The following CACNB2 variants were observed in gnomAD, a reference collection of about 807,000 sequenced individuals.
The protein encoded by CACNB2 is voltage-dependent L-type calcium channel subunit beta-2.
In CACNB2, 42 loss-of-function variants were observed where a neutral mutation model predicts 73.3. The observed-to-expected ratio is 0.57, with a 90% CI of 0.45 to 0.74. The LOEUF (loss-of-function observed/expected upper bound fraction) is 0.74. Among genes scored for constraint, CACNB2 ranks in the 30% least tolerant of loss-of-function variants. The probability of loss-of-function intolerance (pLI) is 0.00; values close to 1 mark genes in which losing one functional copy is unlikely to be tolerated. For missense variants in CACNB2, 940 were observed against 853.0 expected (o/e 1.10, Z -1.27); for synonymous variants, 348 against 310.3 (o/e 1.12, Z -1.28).
chr10:18,152,001 G>C (rs551706967), intron 2 of CACNB2, among the ~76,000 whole-genome samples: 1 of 152,216 alleles, frequency 6.6e-6, no homozygotes, highest in East Asian at 1.9e-4. Flanking sequence ...GACCTTTTGG[G>C]TTTTATTTTT....
At chr10:18,241,908 T>G (rs1474866295) in intron 2 of CACNB2, among the ~76,000 whole-genome samples, 2 of 152,104 alleles carry the variant, frequency 1.3e-5, no homozygotes, top group East Asian at 3.9e-4. Context: ...TGTAAGTGGA[T>G]TGATCATCTT....
At chr10:18,304,044 C>A (rs983676336) in intron 2 of CACNB2, among the ~76,000 whole-genome samples, 7 of 152,338 alleles carry the variant, frequency 4.6e-5, no homozygotes, top group African/African-American at 1.7e-4. Flanking sequence ...CAGCCTCAAA[C>A]TTCCAGGCTC....
chr10:18,470,747 G>C (rs1173448461), intron 3 of CACNB2, among the ~76,000 whole-genome samples: 1 of 152,086 alleles, frequency 6.6e-6, no homozygotes. Context: ...TCTGGCACCT[G>C]GTAGGCATTG....
At position 18,536,186 on chromosome 10, in the gene CACNB2, A is replaced by G; in HGVS notation, c.1292A>G (p.Gln431Arg). The change falls in exon 12 of 14, where the codon CAG (glutamine) becomes CGG (arginine). Residue 431 changes from glutamine to arginine, a missense_variant. Physicochemically the swap from Gln to Arg is conservative, Grantham distance 43. Coordinates refer to ENST00000324631, the MANE Select transcript of CACNB2 (RefSeq NM_201596.3). ...ATGGTAGCAGCTGATAAACTGGCTC[A>G]GTGTCCTCCAGTAAGTTATCTCTAT... ...VQMVAADKLA[Q>R]CPPELFDVIL... 1 of 1,549,210 alleles carries G rather than the reference A, an allele frequency of 6.5e-7. No individual in the cohort carries two copies. Among genetic ancestry groups the G allele is most frequent in the Non-Finnish European group, 8.8e-7 (1 of 1,132,944 alleles).
At chr10:18,240,006 A>C (rs909351235) in intron 2 of CACNB2, among the ~76,000 whole-genome samples, 3 of 152,170 alleles carry the variant, frequency 2.0e-5, no homozygotes, top group African/African-American at 7.2e-5. Context: ...TATCAGCTGT[A>C]ACAATCTCAC....
At chr10:18,151,023 T>C in intron 2 of CACNB2, 48 bp downstream of exon 2, 1 of 1,190,022 alleles carries the variant, frequency 8.4e-7, no homozygotes, top group Non-Finnish European at 1.3e-6. Context: ...AAAATGACTT[T>C]AGATTTTTAA....
At chr10:18,485,088 G>A (rs1482048422) in intron 3 of CACNB2, among the ~76,000 whole-genome samples, 1 of 151,826 alleles carries the variant, frequency 6.6e-6, no homozygotes, top group Admixed American at 6.6e-5. Flanking sequence ...GTTGCAGTGG[G>A]GCGAGATCAC....
chr10:18,214,149 T>TATGGCATGGCAACAGCTGG (rs1588716453), intron 2 of CACNB2, among the ~76,000 whole-genome samples: 2 of 27,818 alleles, frequency 7.2e-5, no homozygotes, highest in African/African-American at 1.2e-4. Flanking sequence ...GAAGTATAAG[T>TATGGCATGGCAACAGCTGG]TCTTCTGAAA....
intron 3 of CACNB2, among the ~76,000 whole-genome samples, chr10:18,430,282 T>A (rs1309269530): frequency 6.6e-6 from 1 of 152,108 alleles, no homozygotes; most frequent in South Asian, 2.1e-4. Context: ...GAACCTCTAG[T>A]CACACAGCAT....
chr10:18,505,937 T>C (rs558860155), intron 5 of CACNB2, among the ~76,000 whole-genome samples: 2 of 152,340 alleles, frequency 1.3e-5, no homozygotes, highest in African/African-American at 4.8e-5. Context: ...TTCTGTTTAG[T>C]CATGTTTCTT....
chr10:18,172,127 C>T lies in CACNB2; in HGVS notation c.213+21152C>T, dbSNP rs1379416016. Among the ~76,000 whole-genome samples the T allele has an allele frequency of 2.0e-5, 3 of 152,150 alleles. No homozygotes were observed. The East Asian group carries it at 5.8e-4, about 29-fold the overall frequency. On this transcript the variant is annotated intron_variant, in intron 2 of 13. Transcript: ENST00000324631. ...CCTGTAATCCCAGCACTTTGGGAGA[C>T]TGAGGTGGGAGAATCACTTGAGGTC...
chr10:18,357,090 G>A (rs574236250), intron 2 of CACNB2, among the ~76,000 whole-genome samples: 9 of 149,750 alleles, frequency 6.0e-5, no homozygotes, highest in Admixed American at 1.3e-4. Context: ...GACTACAGGC[G>A]CGCACCACCA....
chr10:18,416,661 C>T (rs2044984876), intron 3 of CACNB2, among the ~76,000 whole-genome samples: 1 of 152,212 alleles, frequency 6.6e-6, no homozygotes, highest in South Asian at 2.1e-4. Context: ...ATCCACCAGC[C>T]ACAGCCTCCC....
At chr10:18,171,573 T>A (rs1588613044) in intron 2 of CACNB2, among the ~76,000 whole-genome samples, 2 of 122,938 alleles carry the variant, frequency 1.6e-5, no homozygotes, top group East Asian at 4.1e-4. Flanking sequence ...TCTTCATCCT[T>A]CTTAATTCCA....
rs2054125361 is a variant in CACNB2, at chr10:18,542,880, G to GC, written c.*3156_*3157insC. On this transcript the variant is annotated 3_prime_UTR_variant, in exon 14 of 14. Transcript: ENST00000324631. ...GAAAATGCTGGAAATGTATTTAATA[G>GC]TTTTTTTTTTTTTTTTTTTTGGTCA... 1 of 123,822 alleles carries GC rather than the reference G, an allele frequency of 8.1e-6. No individual in the cohort carries two copies. Among genetic ancestry groups the GC allele is most frequent in the African/African-American group, 3.0e-5 (1 of 32,910 alleles). 7.7% of individuals were successfully genotyped at this position (123,822 alleles called of 1,614,324 possible).
intron 2 of CACNB2, among the ~76,000 whole-genome samples, chr10:18,209,110 G>T (rs2035217439): frequency 1.3e-5 from 2 of 152,166 alleles, no homozygotes; most frequent in South Asian, 4.1e-4. Context: ...TAGGTAATGG[G>T]CTTGACTGCA....
intron 11 of CACNB2, among the ~76,000 whole-genome samples, chr10:18,535,807 GATTT>G (rs2053516484): frequency 6.6e-6 from 1 of 151,872 alleles, no homozygotes; most frequent in South Asian, 2.1e-4. Context: ...ACATGTATCA[GATTT>G]ATTGTGAATT....
chr10:18,412,271 G>A (rs2044677119), intron 3 of CACNB2, among the ~76,000 whole-genome samples: 1 of 152,216 alleles, frequency 6.6e-6, no homozygotes, highest in African/African-American at 2.4e-5. Flanking sequence ...ATTACCAAGG[G>A]TGTGGATTCA....
At chr10:18,472,563 C>T (rs1249123213) in intron 3 of CACNB2, among the ~76,000 whole-genome samples, 1 of 152,070 alleles carries the variant, frequency 6.6e-6, no homozygotes, top group Non-Finnish European at 1.5e-5. Context: ...ACGCTTCTTG[C>T]CTACCTTGGT....
Sources: gnomAD v4.1 joint callset for allele counts (sites outside exome capture counted in the v4.1 genomes callset) on GRCh38, gnomAD v4.1.1 for gene constraint, MANE v1.5 for transcripts, NCBI Gene and HGNC (gene_info 2026-07-23, HGNC 2026-07-21) for gene names.